The following TESK2 variants were observed in gnomAD, a reference collection of about 807,000 sequenced individuals.
The protein encoded by TESK2 is dual specificity testis-specific protein kinase 2.
Under a neutral mutation model 57.1 loss-of-function variants are expected in TESK2, and 39 were observed. The ratio of observed to expected loss-of-function variants is 0.68; its 90% CI spans 0.53 to 0.89. The LOEUF (loss-of-function observed/expected upper bound fraction) is 0.89. TESK2 is among the 40% of genes least tolerant of loss of function. The probability of loss-of-function intolerance (pLI) is 0.00; values close to 1 mark genes in which losing one functional copy is unlikely to be tolerated. For missense variants in TESK2, 646 were observed against 732.1 expected (o/e 0.88, Z 1.36); for synonymous variants, 249 against 267.9 (o/e 0.93, Z 0.69).
At chr1:45,481,018 A>T (rs1653196197) in intron 1 of TESK2, among the ~76,000 whole-genome samples, 1 of 151,558 alleles carries the variant, frequency 6.6e-6, no homozygotes, top group Admixed American at 6.6e-5. Context: ...AACCAAAAAA[A>T]AAGAATGAGG....
At chr1:45,410,062 G>A (rs1285304624) in intron 3 of TESK2, among the ~76,000 whole-genome samples, 1 of 152,016 alleles carries the variant, frequency 6.6e-6, no homozygotes, top group African/African-American at 2.4e-5. Context: ...CTACTCGGGA[G>A]GCTGAAGCAC....
intron 1 of TESK2, among the ~76,000 whole-genome samples, chr1:45,487,651 A>G (rs1653537909): frequency 1.3e-5 from 2 of 152,122 alleles, no homozygotes; most frequent in Admixed American, 1.3e-4. Context: ...TAAGTACACC[A>G]GCCTCCCTCT....
intron 3 of TESK2, among the ~76,000 whole-genome samples, chr1:45,388,156 T>C (rs1462530686): frequency 6.6e-6 from 1 of 152,238 alleles, no homozygotes; most frequent in Admixed American, 6.5e-5. Context: ...ATGGCTGCTA[T>C]GTTGAAAGTA....
intron 1 of TESK2, among the ~76,000 whole-genome samples, chr1:45,476,062 C>T (rs1294560468): frequency 6.6e-6 from 1 of 152,186 alleles, no homozygotes; most frequent in Admixed American, 6.5e-5. Context: ...GGGACTTTAC[C>T]TTGTGATCAT....
chr1:45,473,986 C>T (rs891796756), intron 1 of TESK2, among the ~76,000 whole-genome samples: 15 of 151,722 alleles, frequency 9.9e-5, no homozygotes, highest in African/African-American at 1.5e-4. Context: ...TTAATAAGCA[C>T]GACTACCAGA....
At chr1:45,440,261 C>T (rs1651389006) in intron 2 of TESK2, among the ~76,000 whole-genome samples, 1 of 151,302 alleles carries the variant, frequency 6.6e-6, no homozygotes, top group South Asian at 2.1e-4. Context: ...AAGGCCCCCC[C>T]AAAAAAAGGT....
At chr1:45,484,401 G>A (rs1268463143) in intron 1 of TESK2, among the ~76,000 whole-genome samples, 2 of 151,120 alleles carry the variant, frequency 1.3e-5, no homozygotes, top group African/African-American at 4.9e-5. Flanking sequence ...GAGCCACCAC[G>A]CCCAGCCATA....
intron 4 of TESK2, among the ~76,000 whole-genome samples, chr1:45,365,413 T>TTTAAGTGTTTAACTTAATAG: frequency 6.6e-6 from 1 of 152,346 alleles, no homozygotes; most frequent in South Asian, 2.1e-4. Context: ...TTTCAGAATA[T>TTTAAGTGTTTAACTTAATAG]TTAAGTGTTT....
chr1:45,444,456 A>G (rs1651570763), intron 2 of TESK2, among the ~76,000 whole-genome samples: 1 of 152,230 alleles, frequency 6.6e-6, no homozygotes, highest in Non-Finnish European at 1.5e-5. Flanking sequence ...ATAGGCATTC[A>G]TAGTGGGATA....
intron 1 of TESK2, among the ~76,000 whole-genome samples, chr1:45,477,042 G>A (rs1451657527): frequency 8.7e-6 from 1 of 115,274 alleles, no homozygotes. Flanking sequence ...CCAACGTGGT[G>A]AAACCACGTC....
chr1:45,437,354 T>C (rs983138894), intron 2 of TESK2, among the ~76,000 whole-genome samples: 1 of 152,220 alleles, frequency 6.6e-6, no homozygotes, highest in Admixed American at 6.5e-5. Flanking sequence ...TAGATTTTTT[T>C]CAGCTAATTA....
At chr1:45,376,518 C>T (rs1557548575) in intron 4 of TESK2, among the ~76,000 whole-genome samples, 1 of 152,056 alleles carries the variant, frequency 6.6e-6, no homozygotes, top group Non-Finnish European at 1.5e-5. Context: ...TGTGCCTGGC[C>T]TTCACACTAT....
intron 3 of TESK2, among the ~76,000 whole-genome samples, chr1:45,388,276 T>G (rs1054660382): frequency 2.0e-5 from 3 of 152,236 alleles, no homozygotes; most frequent in Non-Finnish European, 4.4e-5. Context: ...ATACATGAAC[T>G]GCTGTTTCTA....
rs77826408 is a variant in TESK2 at position 45,386,377 on chromosome 1, TA to T, written c.345-418del. Among the ~76,000 whole-genome samples, 413 of 58,062 alleles carry T rather than the reference TA, an allele frequency of 7.1e-3. 1 individual carries two copies. The highest frequency in any genetic ancestry group is 0.023 in the Middle Eastern group (2 of 88). The allele number at this position is 58,062 out of a possible 152,430, so 38.1% of individuals were successfully genotyped here. On this transcript the variant is annotated intron_variant, in intron 3 of 10. Transcript: ENST00000372086. ...AAAAAAAAAAAAAAGAGACTGCATC[TA>T]AAAAAAAAAAAAGGAAAGATAGATA...
chr1:45,464,865 C>T (rs1652478860), intron 1 of TESK2, among the ~76,000 whole-genome samples: 1 of 152,198 alleles, frequency 6.6e-6, no homozygotes, highest in Non-Finnish European at 1.5e-5. Flanking sequence ...CTTTGGGAGG[C>T]CAAGGCAGGT....
chr1:45,421,315 G>A lies in TESK2; in HGVS notation c.344+410C>T, dbSNP rs867416399. 1.2e-4 allele frequency among the ~76,000 whole-genome samples: 18 copies of A among 152,204 alleles called. 1 individual carries two copies. The Middle Eastern group carries it at 0.024, about 201-fold the overall frequency. Reference sequence around the variant, plus strand: ...TCCTCAAGTGAGTGCTAAAAGTTAAGGATAGATAACTTGAGGGTGTAATTT... The same window carrying A: ...TCCTCAAGTGAGTGCTAAAAGTTAAAGATAGATAACTTGAGGGTGTAATTT... On this transcript the variant is annotated intron_variant, in intron 3 of 10. Transcript: ENST00000372086.
chr1:45,454,166 C>T (rs1651980225), intron 2 of TESK2, among the ~76,000 whole-genome samples: 1 of 151,978 alleles, frequency 6.6e-6, no homozygotes, highest in Non-Finnish European at 1.5e-5. Context: ...CAAAAAAAGA[C>T]AAATACTGTA....
At chr1:45,481,865 C>T (rs1432741941) in intron 1 of TESK2, among the ~76,000 whole-genome samples, 5 of 151,982 alleles carry the variant, frequency 3.3e-5, no homozygotes, top group Admixed American at 6.6e-5. Flanking sequence ...AAATACAAAC[C>T]ATACATGGTG....
chr1:45,403,898 A>AAAC (rs1308447460), intron 3 of TESK2, among the ~76,000 whole-genome samples: 37 of 151,756 alleles, frequency 2.4e-4, no homozygotes, highest in African/African-American at 8.9e-4. Context: ...AAAAAAAAAA[A>AAAC]ACAAGTCTCC....
Sources: allele counts gnomAD v4.1 joint callset (sites outside exome capture counted in the v4.1 genomes callset), GRCh38; gene constraint gnomAD v4.1.1; transcripts MANE v1.5; gene names NCBI Gene and HGNC (gene_info 2026-07-23, HGNC 2026-07-21).